The following FER1L6 variants were observed in gnomAD, a reference collection of about 807,000 sequenced individuals.
The protein encoded by FER1L6 is fer-1-like protein 6.
In FER1L6, 177 loss-of-function variants were observed where a neutral mutation model predicts 219.2. The observed-to-expected ratio is 0.81, with a 90% CI of 0.71 to 0.91. The LOEUF (loss-of-function observed/expected upper bound fraction) is 0.91. Among genes scored for constraint, FER1L6 ranks in the 40% least tolerant of loss-of-function variants. The pLI, the probability that FER1L6 is intolerant of heterozygous loss-of-function variation, is 0.00. For missense variants in FER1L6, 2,153 were observed against 2,259.9 expected, an observed-to-expected ratio of 0.95 and a Z score of 0.96; for synonymous variants, 768 against 824.3, an observed-to-expected ratio of 0.93 and a Z score of 1.17.
At chr8:123,980,435 T>C (rs780575033) in intron 10 of FER1L6, 30 bp from the exon 11 acceptor site, 1 of 1,518,922 alleles carries the variant, frequency 6.6e-7, no homozygotes, top group East Asian at 2.3e-5. Flanking sequence ...AAAAACATAA[T>C]GAGATAACTA....
At chr8:124,054,819 C>T (rs1820207986) in intron 22 of FER1L6, among the ~76,000 whole-genome samples, 1 of 152,156 alleles carries the variant, frequency 6.6e-6, no homozygotes, top group South Asian at 2.1e-4. Flanking sequence ...CTGGTAAGGA[C>T]TTTGGCTTTT....
At chr8:124,084,950 TC>T (rs781165002) in intron 33 of FER1L6, among the ~76,000 whole-genome samples, 3 of 152,184 alleles carry the variant, frequency 2.0e-5, no homozygotes, top group Non-Finnish European at 4.4e-5. Flanking sequence ...ATTGATCTAT[TC>T]AGGTTTTGAA....
At chr8:124,033,378 T>G (rs146389028) in intron 18 of FER1L6, among the ~76,000 whole-genome samples, 2,677 of 152,318 alleles carry the variant, frequency 0.018, 90 homozygotes, top group African/African-American at 0.06. Flanking sequence ...TATTCCCCAA[T>G]ACATTTTGGC....
intron 34 of FER1L6, 27 bp downstream of exon 34, chr8:124,091,610 G>A: frequency 3.1e-6 from 5 of 1,601,204 alleles, no homozygotes; most frequent in East Asian, 2.2e-5. Context: ...TATCCTGCTG[G>A]TGTTGCTCTT....
chr8:123,996,185 A>T (rs1260950330), intron 12 of FER1L6, among the ~76,000 whole-genome samples: 1 of 152,316 alleles, frequency 6.6e-6, no homozygotes, highest in African/African-American at 2.4e-5. Flanking sequence ...TCCATGGTGC[A>T]GATTAAGTCC....
At chr8:123,942,797 A>C (rs1586493905) in intron 1 of FER1L6, among the ~76,000 whole-genome samples, 1 of 152,376 alleles carries the variant, frequency 6.6e-6, no homozygotes, top group Non-Finnish European at 1.5e-5. Context: ...TGGGACACTC[A>C]CAGGTTTCAA....
At chr8:124,095,771 GA>G (rs1822258205) in intron 35 of FER1L6, among the ~76,000 whole-genome samples, 1 of 152,208 alleles carries the variant, frequency 6.6e-6, no homozygotes, top group Non-Finnish European at 1.5e-5. Context: ...ACAACGGAGT[GA>G]CACCTTCCTC....
chr8:123,915,363 G>A (rs1216779202), intron 1 of FER1L6, among the ~76,000 whole-genome samples: 1 of 151,982 alleles, frequency 6.6e-6, no homozygotes, highest in Non-Finnish European at 1.5e-5. Context: ...TTGGTTTGGG[G>A]CAGGATAAAA....
intron 1 of FER1L6, among the ~76,000 whole-genome samples, chr8:123,919,781 G>A (rs944736193): frequency 1.3e-5 from 2 of 152,156 alleles, no homozygotes; most frequent in Non-Finnish European, 2.9e-5. Flanking sequence ...TGGGGCAAGC[G>A]CAGACTCTCA....
rs201351536 is a variant in FER1L6 at position 123,966,211 on chromosome 8, C to T, written c.305C>T (p.Pro102Leu). 4 of 1,613,986 alleles carry T rather than the reference C, an allele frequency of 2.5e-6. No homozygotes were observed. The highest frequency in any genetic ancestry group is 3.4e-6 in the Non-Finnish European group (4 of 1,180,028). Residue 102 changes from proline (P) to leucine (L), a missense_variant, in exon 5 of 41, where the codon CCA becomes CTA. By Grantham distance (98) the Pro-to-Leu change is moderately conservative (BLOSUM62 -3). Transcript: ENST00000522917. The part of the protein sequence containing the change: ...ARQLVGENID[P>L]VVTIEIGDEK... ...CAGCTGGTGGGTGAGAACATTGACC[C>T]AGTTGTGACCATTGAGATTGGGGAT...
intron 1 of FER1L6, among the ~76,000 whole-genome samples, chr8:123,886,031 C>A (rs535597445): frequency 6.6e-6 from 1 of 152,330 alleles, no homozygotes; most frequent in East Asian, 1.9e-4. Context: ...TGTGTCTTCC[C>A]TTTGCCATTT....
At chr8:123,968,871 T>C (rs1815673381) in intron 5 of FER1L6, among the ~76,000 whole-genome samples, 2 of 152,220 alleles carry the variant, frequency 1.3e-5, no homozygotes, top group Admixed American at 1.3e-4. Flanking sequence ...CCTTTCTTAC[T>C]GTGGCTGTGT....
At chr8:123,976,192 G>A in intron 9 of FER1L6, 108 bp downstream of exon 9, 1 of 971,122 alleles carries the variant, frequency 1.0e-6, no homozygotes, top group Non-Finnish European at 1.5e-6. Context: ...TGCCTTGAAA[G>A]CAAAAGCTTG....
intron 33 of FER1L6, 100 bp downstream of exon 33, chr8:124,082,558 A>G (rs566582838): frequency 8.9e-7 from 1 of 1,125,998 alleles, no homozygotes; most frequent in African/African-American, 1.5e-5. Flanking sequence ...TAGGAAGGCC[A>G]GACCAGGCTC....
chr8:124,113,056 A>G (rs1161764140), intron 39 of FER1L6, among the ~76,000 whole-genome samples: 1 of 152,218 alleles, frequency 6.6e-6, no homozygotes, highest in African/African-American at 2.4e-5. Flanking sequence ...TACTTAAAAT[A>G]GTGCCTCTTC....
intron 1 of FER1L6, among the ~76,000 whole-genome samples, chr8:123,950,743 C>T (rs1814724216): frequency 1.3e-5 from 2 of 152,182 alleles, no homozygotes; most frequent in African/African-American, 2.4e-5. Context: ...CATCCACCTA[C>T]TATCACAATG....
rs1482782018 is a variant in FER1L6, at chr8:123,966,291, G to A, written c.384+1G>A. On this transcript the variant is annotated splice_donor_variant, in intron 5 of 40. Coordinates refer to ENST00000522917, the MANE Select transcript of FER1L6 (RefSeq NM_001039112.2). LOFTEE classifies it high-confidence loss of function. ...AACCAACAGCCCATTTTATAATGAAGTAAGTCATGGAGGTCACCCACAGCT... is the reference window on the plus strand; with the variant it reads ...AACCAACAGCCCATTTTATAATGAAATAAGTCATGGAGGTCACCCACAGCT... The A allele has an allele frequency of 6.2e-7, 1 of 1,613,954 alleles. No individual in the cohort carries two copies. The highest frequency in any genetic ancestry group is 8.5e-7 in the Non-Finnish European group (1 of 1,179,978).
intron 26 of FER1L6, among the ~76,000 whole-genome samples, chr8:124,065,710 C>T (rs927965510): frequency 6.6e-6 from 1 of 152,172 alleles, no homozygotes; most frequent in East Asian, 1.9e-4. Flanking sequence ...TCTCTATACC[C>T]CCGCACTCGA....
intron 27 of FER1L6, 38 bp from the exon 28 acceptor site, chr8:124,067,729 G>A: frequency 6.4e-7 from 1 of 1,558,734 alleles, no homozygotes; most frequent in Admixed American, 1.7e-5. Flanking sequence ...AATAAATCAA[G>A]TATTGTGGTG....
Sources: gnomAD v4.1 joint callset for allele counts (sites outside exome capture counted in the v4.1 genomes callset) on GRCh38, gnomAD v4.1.1 for gene constraint, MANE v1.5 for transcripts, NCBI Gene and HGNC (gene_info 2026-07-23, HGNC 2026-07-21) for gene names.